KYNU: variants seen among roughly 807,000 people sequenced by gnomAD.
KYNU encodes kynureninase, also known as L-kynurenine hydrolase.
KYNU carries 54 observed loss-of-function variants against 59.2 expected under a neutral mutation model. The observed-to-expected ratio is 0.91, with a 90% CI of 0.73 to 1.14. The LOEUF (loss-of-function observed/expected upper bound fraction) is 1.14, where lower values mean the gene tolerates loss of function less well. Among genes scored for constraint, KYNU ranks in the 50% most tolerant of loss-of-function variants. The pLI, the probability that KYNU is intolerant of heterozygous loss-of-function variation, is 0.00. For missense variants in KYNU, 567 were observed against 554.4 expected (o/e 1.02, Z -0.23); for synonymous variants, 177 against 192.0 (o/e 0.92, Z 0.65).
chr2:142,972,622 TGAGA>T (rs967446519), intron 8 of KYNU, among the ~76,000 whole-genome samples: 4 of 152,122 alleles, frequency 2.6e-5, no homozygotes, highest in Non-Finnish European at 5.9e-5. Flanking sequence ...AGAGTGAATC[TGAGA>T]GAGTTTAAGC....
chr2:142,940,343 A>G (rs1683557113), intron 4 of KYNU, among the ~76,000 whole-genome samples: 1 of 152,190 alleles, frequency 6.6e-6, no homozygotes, highest in African/African-American at 2.4e-5. Flanking sequence ...ATCATCCTCT[A>G]AAGAGAAGTT....
intron 7 of KYNU, 82 bp from the exon 8 acceptor site, chr2:142,960,542 C>T: frequency 1.5e-6 from 2 of 1,310,706 alleles, no homozygotes; most frequent in Non-Finnish European, 2.2e-6. Context: ...CAAAAGGGCT[C>T]ACGGTGAAAT....
intron 2 of KYNU, among the ~76,000 whole-genome samples, chr2:142,888,099 C>G (rs528895956): frequency 6.6e-6 from 1 of 152,064 alleles, no homozygotes; most frequent in Non-Finnish European, 1.5e-5. Flanking sequence ...TAAGTCATTG[C>G]TGATTCTTAA....
chr2:142,950,217 G>A (rs1011354167), intron 4 of KYNU, among the ~76,000 whole-genome samples: 1 of 152,150 alleles, frequency 6.6e-6, no homozygotes, highest in Admixed American at 6.5e-5. Context: ...TTCCTGTCTT[G>A]TTGTGAACCC....
chr2:142,898,126 C>A (rs7600006), intron 2 of KYNU, among the ~76,000 whole-genome samples: 1 of 151,972 alleles, frequency 6.6e-6, no homozygotes, highest in African/African-American at 2.4e-5. Flanking sequence ...GTGATCTGCC[C>A]ACCTTGGCCT....
chr2:142,951,859 A>G (rs1238856300), intron 4 of KYNU, among the ~76,000 whole-genome samples: 1 of 152,246 alleles, frequency 6.6e-6, no homozygotes, highest in African/African-American at 2.4e-5. Flanking sequence ...TCAGGAAGGG[A>G]TTATTTACAA....
intron 4 of KYNU, among the ~76,000 whole-genome samples, chr2:142,949,849 C>T (rs573134303): frequency 6.6e-5 from 10 of 152,286 alleles, no homozygotes; most frequent in Admixed American, 2.0e-4. Context: ...TTCTTTTCAT[C>T]GTGTTGTCAG....
intron 8 of KYNU, among the ~76,000 whole-genome samples, chr2:142,972,074 A>G (rs1204748231): frequency 6.6e-6 from 1 of 152,198 alleles, no homozygotes; most frequent in Non-Finnish European, 1.5e-5. Flanking sequence ...CCAGAGAAAG[A>G]CTGTAGAAGA....
chr2:142,926,065 G>A (rs1433333985), intron 3 of KYNU, among the ~76,000 whole-genome samples: 5 of 152,134 alleles, frequency 3.3e-5, no homozygotes, highest in African/African-American at 1.2e-4. Flanking sequence ...TCACCCATAA[G>A]TGGGAGTTGA....
rs889288992 is a variant in KYNU at position 142,959,403 on chromosome 2, A to G, written c.583-1221A>G. Among the ~76,000 whole-genome samples, 9 of 152,084 alleles carry G rather than the reference A, an allele frequency of 5.9e-5. 1 individual carries two copies. The highest frequency in any genetic ancestry group is 4.1e-4 in the South Asian group (2 of 4,824). ...GGAGTTCAAGACCAGCCTGACCAAC[A>G]TGGAGAAACCCCATCTCTATTAAAA... On this transcript the variant is annotated intron_variant, in intron 7 of 13. Transcript: ENST00000264170.
chr2:143,015,919 CA>C (rs1686233326), intron 10 of KYNU, among the ~76,000 whole-genome samples: 1 of 152,160 alleles, frequency 6.6e-6, no homozygotes, highest in Non-Finnish European at 1.5e-5. Context: ...GGCTCAAGTT[CA>C]GTTTGGAGTA....
intron 2 of KYNU, among the ~76,000 whole-genome samples, chr2:142,905,346 A>C (rs917579402): frequency 3.3e-5 from 5 of 152,220 alleles, no homozygotes; most frequent in African/African-American, 9.6e-5. Flanking sequence ...ACCAACGATT[A>C]GGGAATTCTC....
intron 1 of KYNU, among the ~76,000 whole-genome samples, chr2:142,880,524 T>G (rs993427498): frequency 6.6e-6 from 1 of 152,160 alleles, no homozygotes; most frequent in Non-Finnish European, 1.5e-5. Flanking sequence ...GAAAAATGAG[T>G]CATTCTATGA....
intron 8 of KYNU, among the ~76,000 whole-genome samples, chr2:142,972,645 A>G (rs1684758248): frequency 6.6e-6 from 1 of 152,094 alleles, no homozygotes; most frequent in Non-Finnish European, 1.5e-5. Context: ...GCACTTCCTC[A>G]AGGCAATTTA....
intron 8 of KYNU, among the ~76,000 whole-genome samples, chr2:142,964,916 A>C (rs1684480273): frequency 6.6e-6 from 1 of 152,176 alleles, no homozygotes; most frequent in Admixed American, 6.6e-5. Flanking sequence ...CTTCTTCAAG[A>C]TGAAGATGTG....
Position 142,885,334 on chromosome 2 carries a change from A to G in KYNU, c.-19-15A>G, listed in dbSNP as rs1451088637. 1.2e-6 allele frequency: 2 copies of G among 1,604,836 alleles called. No homozygotes were observed. Among genetic ancestry groups the G allele is most frequent in the East Asian group, 2.2e-5 (1 of 44,764 alleles). ...AATTATGGTGGCTAGATTATGTTTTATTATTCTCTTTCAGTTTTAGAGAAC... is the reference window on the plus strand; with the variant it reads ...AATTATGGTGGCTAGATTATGTTTTGTTATTCTCTTTCAGTTTTAGAGAAC... On this transcript the variant is annotated splice_polypyrimidine_tract_variant and intron_variant, in intron 1 of 13. Transcript: ENST00000264170.
intron 10 of KYNU, among the ~76,000 whole-genome samples, chr2:143,017,554 GC>G (rs1340706800): frequency 7.1e-6 from 1 of 140,094 alleles, no homozygotes; most frequent in Non-Finnish European, 1.5e-5. Flanking sequence ...TGATTCCCCT[GC>G]CTCAGCCTCC....
chr2:143,001,751 C>G (rs1685713052), intron 10 of KYNU, among the ~76,000 whole-genome samples: 1 of 152,176 alleles, frequency 6.6e-6, no homozygotes, highest in Non-Finnish European at 1.5e-5. Context: ...GGATGAGTCA[C>G]TCAACCACTT....
Position 143,053,217 on chromosome 2 carries a change from A to G in KYNU, c.*11045A>G, listed in dbSNP as rs1406437023. 1 of 152,098 alleles carries G rather than the reference A, an allele frequency of 6.6e-6. No homozygotes were observed. The highest frequency in any genetic ancestry group is 2.4e-5 in the African/African-American group (1 of 41,380). 9.4% of individuals were successfully genotyped at this position (152,098 alleles called of 1,614,324 possible). A position where few individuals can be genotyped will look rare whatever the true frequency, so the allele number is the denominator to read the frequency against. ...CTAGGAAGTAACTAACTTGCTTTTGATTTTACAGGCCCATAGGTGGAAGGG... is the reference window on the plus strand; with the variant it reads ...CTAGGAAGTAACTAACTTGCTTTTGGTTTTACAGGCCCATAGGTGGAAGGG... On this transcript the variant is annotated 3_prime_UTR_variant, in exon 14 of 14. Coordinates refer to ENST00000264170, the MANE Select transcript of KYNU (RefSeq NM_003937.3).
Sources: gnomAD v4.1 joint callset for allele counts (sites outside exome capture counted in the v4.1 genomes callset) on GRCh38, gnomAD v4.1.1 for gene constraint, MANE v1.5 for transcripts, NCBI Gene and HGNC (gene_info 2026-07-23, HGNC 2026-07-21) for gene names.